The following LATS2 variants were observed in gnomAD, a reference collection of about 807,000 sequenced individuals.
LATS2 encodes large tumor suppressor kinase 2, also known as serine/threonine-protein kinase LATS2.
Under a neutral mutation model 76.0 loss-of-function variants are expected in LATS2, and 24 were observed. That is an observed-to-expected ratio of 0.32 (90% CI 0.23 to 0.44). LATS2 has a LOEUF of 0.44. LATS2 is among the 20% of genes least tolerant of loss of function. The pLI, the probability that LATS2 is intolerant of heterozygous loss-of-function variation, is 1.00. For missense variants in LATS2, 1,286 were observed against 1,481.2 expected (o/e 0.87, Z 2.16); for synonymous variants, 692 against 635.4 (o/e 1.09, Z -1.34).
intron 2 of LATS2, among the ~76,000 whole-genome samples, chr13:21,023,287 AG>A (rs1447524015): frequency 1.3e-5 from 2 of 151,802 alleles, no homozygotes; most frequent in African/African-American, 4.8e-5. Context: ...TTTTAGAGAT[AG>A]GGTCTCACTA....
chr13:21,012,790 C>G (rs905514084), intron 2 of LATS2, among the ~76,000 whole-genome samples: 1 of 151,900 alleles, frequency 6.6e-6, no homozygotes, highest in Non-Finnish European at 1.5e-5. Context: ...ATCACACCCC[C>G]CCCCCACCTC....
At chr13:21,022,814 TA>T (rs59050746) in intron 2 of LATS2, among the ~76,000 whole-genome samples, 5,877 of 152,240 alleles carry the variant, frequency 0.039, 157 homozygotes, top group African/African-American at 0.066. Context: ...TGCGAGAGAA[TA>T]AAAGATCCTC....
At chr13:21,011,043 C>T (rs2138341302) in intron 2 of LATS2, among the ~76,000 whole-genome samples, 1 of 152,346 alleles carries the variant, frequency 6.6e-6, no homozygotes, top group East Asian at 1.9e-4. Context: ...AAATTCCTTT[C>T]CAGAAAACTT....
At chr13:21,052,583 C>T (rs1352354527) in intron 1 of LATS2, among the ~76,000 whole-genome samples, 1 of 152,164 alleles carries the variant, frequency 6.6e-6, no homozygotes, top group Non-Finnish European at 1.5e-5. Context: ...AACTCCTGAT[C>T]TCAAGTGATC....
At chr13:20,992,753 A>G (rs944457474) in intron 2 of LATS2, among the ~76,000 whole-genome samples, 12 of 152,076 alleles carry the variant, frequency 7.9e-5, no homozygotes, top group African/African-American at 2.7e-4. Context: ...AGGGGTGGAG[A>G]TGGCTGGGCG....
At chr13:21,047,776 T>C (rs537533223) in intron 1 of LATS2, among the ~76,000 whole-genome samples, 18 of 152,272 alleles carry the variant, frequency 1.2e-4, no homozygotes. Context: ...AGAATTAATT[T>C]ACATAGATCT....
chr13:21,055,007 TA>T (rs1440643634), intron 1 of LATS2, among the ~76,000 whole-genome samples: 2 of 152,250 alleles, frequency 1.3e-5, no homozygotes, highest in Non-Finnish European at 2.9e-5. Flanking sequence ...TACCTACGGA[TA>T]AACTGTGTTC....
intron 2 of LATS2, among the ~76,000 whole-genome samples, chr13:20,993,552 C>CAA (rs1179513368): frequency 6.6e-6 from 1 of 150,916 alleles, no homozygotes; most frequent in Admixed American, 6.6e-5. Context: ...CATGGGCAGG[C>CAA]CATGTTGCCT....
Sources: allele counts gnomAD v4.1 joint callset (sites outside exome capture counted in the v4.1 genomes callset), GRCh38; gene constraint gnomAD v4.1.1; transcripts MANE v1.5; gene names NCBI Gene and HGNC (gene_info 2026-07-23, HGNC 2026-07-21).